The following PCDHGC5 variants were observed in gnomAD, a reference collection of about 807,000 sequenced individuals.
The protein encoded by PCDHGC5 is protocadherin gamma subfamily C, 5.
In PCDHGC5, 25 loss-of-function variants were observed where a neutral mutation model predicts 59.0. The ratio of observed to expected loss-of-function variants is 0.42; its 90% confidence interval spans 0.31 to 0.59. The LOEUF (loss-of-function observed/expected upper bound fraction) is 0.59. Among genes scored for constraint, PCDHGC5 ranks in the 20% least tolerant of loss-of-function variants. The pLI is 0.13. For synonymous variants in PCDHGC5, 434 were observed against 505.5 expected (o/e 0.86, Z 1.90); for missense variants, 1,067 against 1,206.4 (o/e 0.88, Z 1.71).
intron 1 of PCDHGC5, 106 bp from the exon 2 acceptor site, chr5:141,494,701 C>T: frequency 6.3e-7 from 1 of 1,594,596 alleles, no homozygotes; most frequent in Admixed American, 1.7e-5. Flanking sequence ...CCGTTTTCTT[C>T]TCTGTGCCCA....
intron 1 of PCDHGC5, 157 bp from the exon 2 acceptor site, chr5:141,494,650 T>G (rs1366776271): frequency 1.0e-6 from 1 of 960,138 alleles, no homozygotes; most frequent in East Asian, 1.1e-4. Context: ...CTGAGGTGTA[T>G]TTTGTCTTTG....
Position 141,491,756 on chromosome 5 carries a change from C to T in PCDHGC5, c.2460+56C>T. The T allele has an allele frequency of 1.3e-6, 2 of 1,581,720 alleles. No individual in the cohort carries two copies. Among genetic ancestry groups the T allele is most frequent in the Non-Finnish European group, 8.6e-7 (1 of 1,165,100 alleles). ...CCTGGGGGCGGCACTGGAGAAGCCG[C>T]CCGTCCTCATAAGGGATTGAACTTG... On this transcript the variant is annotated intron_variant, in intron 1 of 3. Coordinates refer to ENST00000252087, the MANE Select transcript of PCDHGC5 (RefSeq NM_018929.3). This position sits in a 1 kb window ranked among gnomAD's most constrained non-coding sequence, Gnocchi z 6.9.
At position 141,489,295 on chromosome 5, in the gene PCDHGC5, T is replaced by C. The variant is rs2099685128; in HGVS notation, c.55T>C (p.Leu19=). 1.3e-6 allele frequency: 2 copies of C among 1,581,054 alleles called. No individual in the cohort carries two copies. The highest frequency in any genetic ancestry group is 1.7e-5 in the Admixed American group (1 of 57,148). ...TGGGAAATGGCAAGTGCTGTGCATG[T>C]TGTCCTTGTGCTGCTGGGGCTGGGT... ...LAGKWQVLCM[L]SLCCWGWVSG... The change falls in exon 1 of 4, where the codon TTG becomes CTG. Residue 19 remains leucine (L), a synonymous_variant. Transcript: ENST00000252087. The surrounding 1 kb of genome is among the most constrained non-coding windows in gnomAD (Gnocchi z 4.5).
rs922405350 is a variant in PCDHGC5, at chr5:141,512,227, T to C, written c.*1054T>C. 5 of 152,764 alleles carry C rather than the reference T, an allele frequency of 3.3e-5. No homozygotes were observed. The highest frequency in any genetic ancestry group is 1.2e-4 in the African/African-American group (5 of 41,552). 9.5% of individuals were successfully genotyped at this position (152,764 alleles called of 1,614,324 possible). On this transcript the variant is annotated 3_prime_UTR_variant, in exon 4 of 4. Transcript: ENST00000252087. ...AAGCAGGTTTAGGACCAGGTCCCCTTGAGAGGTCAGAGGGGCCTCTGTGGG... is the reference window on the plus strand; with the variant it reads ...AAGCAGGTTTAGGACCAGGTCCCCTCGAGAGGTCAGAGGGGCCTCTGTGGG...
rs1011731430 is a variant in PCDHGC5, at chr5:141,489,676, G to A, written c.436G>A (p.Ala146Thr). 6.2e-7 allele frequency: 1 copy of A among 1,614,158 alleles called. No individual in the cohort carries two copies. The highest frequency in any genetic ancestry group is 8.5e-7 in the Non-Finnish European group (1 of 1,180,008). The change falls in exon 1 of 4, where the codon GCA becomes ACA. Residue 146 changes from alanine (A) to threonine (T), a missense_variant. Coordinates refer to ENST00000252087, the MANE Select transcript of PCDHGC5 (RefSeq NM_018929.3). This position sits in a 1 kb window ranked among gnomAD's most constrained non-coding sequence, Gnocchi z 4.5. ...GCGAGAGATGCGCATCTCAGAATCAGCAGCATCTGGGGCACGATTCCCACT... is the reference window on the plus strand; with the variant it reads ...GCGAGAGATGCGCATCTCAGAATCAACAGCATCTGGGGCACGATTCCCACT... ...PEREMRISES[A>T]ASGARFPLDS...
At chr5:141,498,220 G>T (rs1562182972) in intron 2 of PCDHGC5, among the ~76,000 whole-genome samples, 1 of 152,222 alleles carries the variant, frequency 6.6e-6, no homozygotes, top group Non-Finnish European at 1.5e-5. Flanking sequence ...GAGCATTCCA[G>T]ATGGTCAGGC....
chr5:141,490,644 T>C lies in PCDHGC5; in HGVS notation c.1404T>C (p.Pro468=). The C allele has an allele frequency of 6.2e-7, 1 of 1,614,188 alleles. No homozygotes were observed. Among genetic ancestry groups the C allele is most frequent in the Non-Finnish European group, 8.5e-7 (1 of 1,180,016 alleles). The change falls in exon 1 of 4, where the codon CCT becomes CCC. Residue 468 remains proline (P), a synonymous_variant. Coordinates refer to ENST00000252087, the MANE Select transcript of PCDHGC5 (RefSeq NM_018929.3). The surrounding 1 kb of genome is among the most constrained non-coding windows in gnomAD (Gnocchi z 5.4). The part of the protein sequence containing the change: ...LYTAYILENR[P]PGSLLCTVAA... Reference sequence around the variant, plus strand: ...CTGCTTACATCCTAGAAAACCGGCCTCCGGGCTCCCTTCTTTGCACTGTGG... The same window carrying C: ...CTGCTTACATCCTAGAAAACCGGCCCCCGGGCTCCCTTCTTTGCACTGTGG...
At chr5:141,495,149 G>A (rs1448841303) in intron 2 of PCDHGC5, among the ~76,000 whole-genome samples, 1 of 152,170 alleles carries the variant, frequency 6.6e-6, no homozygotes, top group Non-Finnish European at 1.5e-5. Context: ...CCAAAGGATG[G>A]TCTTAAGCTG....
intron 2 of PCDHGC5, among the ~76,000 whole-genome samples, chr5:141,501,728 C>A (rs1284130771): frequency 1.3e-5 from 2 of 152,134 alleles, no homozygotes; most frequent in East Asian, 1.9e-4. Flanking sequence ...ATATATTACC[C>A]AGTCAGCTTA....
Position 141,491,300 on chromosome 5 carries a change from G to T in PCDHGC5, c.2060G>T (p.Arg687Leu). Residue 687 changes from arginine (R) to leucine (L), a missense_variant, in exon 1 of 4, where the codon CGT becomes CTT. Coordinates refer to ENST00000252087, the MANE Select transcript of PCDHGC5 (RefSeq NM_018929.3). The surrounding 1 kb of genome is among the most constrained non-coding windows in gnomAD (Gnocchi z 6.9). Reference sequence around the variant, plus strand: ...GACTTCCTCATACACCCTCCTGAGCGTTCAGACCTTACCCTTTACCTCATT... The same window carrying T: ...GACTTCCTCATACACCCTCCTGAGCTTTCAGACCTTACCCTTTACCTCATT... Reference protein sequence around the residue: ...SSDFLIHPPERSDLTLYLIVA... With the variant: ...SSDFLIHPPELSDLTLYLIVA... The T allele has an allele frequency of 6.2e-7, 1 of 1,614,136 alleles. No homozygotes were observed. The highest frequency in any genetic ancestry group is 8.5e-7 in the Non-Finnish European group (1 of 1,179,962).
chr5:141,510,804 T>C (rs965530116), intron 3 of PCDHGC5, 143 bp from the exon 4 acceptor site: 2 of 1,504,768 alleles, frequency 1.3e-6, no homozygotes, highest in Admixed American at 2.0e-5. Flanking sequence ...AGAGACTACC[T>C]TGGTGACCCC....
At chr5:141,497,703 C>T (rs995815060) in intron 2 of PCDHGC5, among the ~76,000 whole-genome samples, 16 of 152,134 alleles carry the variant, frequency 1.1e-4, no homozygotes, top group African/African-American at 3.9e-4. Context: ...CCACACCCAG[C>T]TCATTTTTGT....
In PCDHGC5 at chr5:141,512,264, C is replaced by G. The variant is rs1453959730; in HGVS notation, c.*1091C>G. 6.5e-6 allele frequency: 1 copy of G among 152,684 alleles called. No homozygotes were observed. The highest frequency in any genetic ancestry group is 1.5e-5 in the Non-Finnish European group (1 of 68,096). 9.5% of individuals were successfully genotyped at this position (152,684 alleles called of 1,614,324 possible). ...GGGGCCTCTGTGGGTGCTGGGTACTCCAGAGGTGCCACTGGTGGAAGGGTC... is the reference window on the plus strand; with the variant it reads ...GGGGCCTCTGTGGGTGCTGGGTACTGCAGAGGTGCCACTGGTGGAAGGGTC... On this transcript the variant is annotated 3_prime_UTR_variant, in exon 4 of 4. Transcript: ENST00000252087.
At chr5:141,501,755 G>C (rs2099810889) in intron 2 of PCDHGC5, among the ~76,000 whole-genome samples, 1 of 152,116 alleles carries the variant, frequency 6.6e-6, no homozygotes, top group Non-Finnish European at 1.5e-5. Context: ...GAAGCTCTCA[G>C]TAAATGGTTA....
intron 1 of PCDHGC5, among the ~76,000 whole-genome samples, chr5:141,494,447 G>C (rs1413012155): frequency 6.6e-6 from 1 of 152,118 alleles, no homozygotes. Context: ...GCCACTTTAG[G>C]GGGCTTTGTC....
chr5:141,507,735 C>T (rs942364858), intron 3 of PCDHGC5, among the ~76,000 whole-genome samples: 3 of 152,268 alleles, frequency 2.0e-5, no homozygotes, highest in Non-Finnish European at 2.9e-5. Flanking sequence ...TCATGCAGCT[C>T]GTTCCCCTGT....
rs749937052 is a variant in PCDHGC5, at chr5:141,490,441, G to A, written c.1201G>A (p.Glu401Lys). ...PDLPFQIKPS[E>K]NHYSLLTSQP... ...CCTGCCATTTCAGATTAAGCCTTCT[G>A]AGAACCACTACTCGCTGCTAACCAG... Residue 401 changes from glutamate (E) to lysine (K), a missense_variant, in exon 1 of 4, where the codon GAG (glutamate) becomes AAG (lysine). Coordinates refer to ENST00000252087, the MANE Select transcript of PCDHGC5 (RefSeq NM_018929.3). The surrounding 1 kb of genome is among the most constrained non-coding windows in gnomAD (Gnocchi z 5.4). The A allele has an allele frequency of 9.3e-6, 15 of 1,614,208 alleles. No homozygotes were observed. The highest frequency in any genetic ancestry group is 1.2e-5 in the Non-Finnish European group (14 of 1,180,042).
rs747283905 is a variant in PCDHGC5, at chr5:141,491,693, G to A, written c.2453G>A (p.Arg818Gln). The change falls in exon 1 of 4, where the codon CGG (arginine) becomes CAG (glutamine). Residue 818 changes from arginine (R) to glutamine (Q), a missense_variant. Arg to Gln is a conservative substitution (Grantham distance 43). Transcript: ENST00000252087. The surrounding 1 kb of genome is among the most constrained non-coding windows in gnomAD (Gnocchi z 6.9). ...IRSRSNTLRE[R>Q]SQQAPPNTDW... ...TCCCGCTCTAATACGCTGCGGGAGC[G>A]GAGCCAGGTGAGGGGCTCGGCGCCG... 3.7e-5 allele frequency: 59 copies of A among 1,612,434 alleles called. No homozygotes were observed. Among genetic ancestry groups the A allele is most frequent in the Non-Finnish European group, 4.7e-5 (55 of 1,179,352 alleles).
chr5:141,491,381 C>A lies in PCDHGC5; in HGVS notation c.2141C>A (p.Ala714Glu). Residue 714 changes from alanine to glutamate, a missense_variant, in exon 1 of 4, where the codon GCG (alanine) becomes GAG (glutamate). Transcript: ENST00000252087. This position sits in a 1 kb window ranked among gnomAD's most constrained non-coding sequence, Gnocchi z 6.9. ...CTAGTCACCTTCACCTTTCTGTCAGCGAAGTGCCTTCAGGGAAACGCAGAC... is the reference window on the plus strand; with the variant it reads ...CTAGTCACCTTCACCTTTCTGTCAGAGAAGTGCCTTCAGGGAAACGCAGAC... ...LSLVTFTFLS[A>E]KCLQGNADGD... 2 of 1,614,068 alleles carry A rather than the reference C, an allele frequency of 1.2e-6. No homozygotes were observed. The highest frequency in any genetic ancestry group is 1.7e-6 in the Non-Finnish European group (2 of 1,179,950).
Sources: allele counts gnomAD v4.1 joint callset (sites outside exome capture counted in the v4.1 genomes callset), GRCh38; gene constraint gnomAD v4.1.1; non-coding constraint Gnocchi (gnomAD v3.1); transcripts MANE v1.5; gene names NCBI Gene and HGNC (gene_info 2026-07-23, HGNC 2026-07-21).